Variants in CD244 observed in about 807,000 individuals in gnomAD.
The protein encoded by CD244 is natural killer cell receptor 2B4.
CD244 carries 20 observed loss-of-function variants against 45.5 expected under a neutral mutation model. That is an observed-to-expected ratio of 0.44 (90% CI 0.31 to 0.64). The LOEUF (loss-of-function observed/expected upper bound fraction) is 0.64. Ranked by LOEUF, CD244 falls within the 30% of genes least tolerant of loss-of-function variation. The pLI, the probability that CD244 is intolerant of heterozygous loss-of-function variation, is 0.08. For synonymous variants in CD244, 185 were observed against 160.5 expected (o/e 1.15, Z -1.15); for missense variants, 407 against 426.9 (o/e 0.95, Z 0.41).
chr1:160,831,358 C>T lies in CD244; in HGVS notation c.1087G>A (p.Val363Ile), dbSNP rs192540979. Residue 363 changes from valine (V) to isoleucine (I), a missense_variant, in exon 9 of 9, where the codon GTT (valine) becomes ATT (isoleucine). Physicochemically the swap from Val to Ile is conservative, Grantham distance 29. Transcript: ENST00000368034. ...AATTGCTGCAGCAACTAGGAATAAA[C>T]ATCAAAGTTCTCCAGCTCTTTGCGG... ...LSRKELENFDVYS is the reference protein window; with the variant it reads ...LSRKELENFDIYS 2 of 1,613,808 alleles carry T rather than the reference C, an allele frequency of 1.2e-6. No individual in the cohort carries two copies. Among genetic ancestry groups the T allele is most frequent in the East Asian group, 2.2e-5 (1 of 44,884 alleles).
At chr1:160,859,979 G>A (rs1342246264) in intron 1 of CD244, among the ~76,000 whole-genome samples, 1 of 152,036 alleles carries the variant, frequency 6.6e-6, no homozygotes, top group East Asian at 1.9e-4. Context: ...GGCGGAGGTG[G>A]GTGGATCACT....
intron 3 of CD244, 68 bp downstream of exon 3, chr1:160,841,142 T>G: frequency 6.7e-7 from 1 of 1,484,088 alleles, no homozygotes; most frequent in African/African-American, 1.4e-5. Context: ...CACATCTGTC[T>G]TGCACATGAG....
Position 160,832,507 on chromosome 1 carries a change from C to A in CD244, c.1017+12G>T. 1 of 1,565,152 alleles carries A rather than the reference C, an allele frequency of 6.4e-7. No homozygotes were observed. On this transcript the variant is annotated intron_variant, in intron 8 of 8. Transcript: ENST00000368034. ...CAGACAGTAAACCCATTGAGGAGTT[C>A]CAGAATCTTACCACTTCATAGATAG...
chr1:160,837,424 A>C (rs756133096), intron 5 of CD244, among the ~76,000 whole-genome samples: 1 of 152,290 alleles, frequency 6.6e-6, no homozygotes, highest in East Asian at 1.9e-4. Context: ...TTTATTATTC[A>C]CATTCCAATA....
intron 6 of CD244, among the ~76,000 whole-genome samples, chr1:160,835,575 G>T (rs1669304673): frequency 6.6e-6 from 1 of 152,104 alleles, no homozygotes; most frequent in Non-Finnish European, 1.5e-5. Context: ...TTCTACCATT[G>T]CACTCAGCCT....
In CD244 at chr1:160,838,750, C is replaced by A. The variant is rs1485591080; in HGVS notation, c.766+189G>T. 4 of 616,008 alleles carry A rather than the reference C, an allele frequency of 6.5e-6. No individual in the cohort carries two copies. In the Admixed American group the frequency reaches 1.2e-4, roughly 18 times the overall value. 38.2% of individuals were successfully genotyped at this position (616,008 alleles called of 1,614,324 possible). On this transcript the variant is annotated intron_variant, in intron 4 of 8. Coordinates refer to ENST00000368034, the MANE Select transcript of CD244 (RefSeq NM_016382.4). Reference sequence around the variant, plus strand: ...TACAGGGAAATCTGCGCATTGGGATCAGAAGGCATGAACTGGGAGAGAGAG... The same window carrying A: ...TACAGGGAAATCTGCGCATTGGGATAAGAAGGCATGAACTGGGAGAGAGAG...
intron 1 of CD244, among the ~76,000 whole-genome samples, chr1:160,846,261 T>C (rs1379115159): frequency 1.3e-5 from 2 of 152,180 alleles, no homozygotes; most frequent in Non-Finnish European, 2.9e-5. Flanking sequence ...TGCCTTTGCA[T>C]CCTCGTAGCT....
At chr1:160,843,443 A>G (rs922581443) in intron 1 of CD244, among the ~76,000 whole-genome samples, 1 of 152,228 alleles carries the variant, frequency 6.6e-6, no homozygotes, top group African/African-American at 2.4e-5. Context: ...AGGAGGACAT[A>G]TACTGTCTTC....
At chr1:160,841,096 C>T (rs1669525095) in intron 3 of CD244, 114 bp downstream of exon 3, 2 of 1,003,436 alleles carry the variant, frequency 2.0e-6, no homozygotes, top group African/African-American at 3.2e-5. Flanking sequence ...GGCTACAAGG[C>T]ACTGGGAGAG....
intron 7 of CD244, 26 bp downstream of exon 7, chr1:160,834,025 C>A (rs911433727): frequency 7.2e-6 from 11 of 1,522,216 alleles, no homozygotes; most frequent in African/African-American, 2.7e-5. Flanking sequence ...AACAACACCC[C>A]ACCACCACCA....
intron 1 of CD244, among the ~76,000 whole-genome samples, chr1:160,859,996 C>T (rs769852426): frequency 1.3e-5 from 2 of 152,006 alleles, no homozygotes; most frequent in African/African-American, 2.4e-5. Flanking sequence ...CACTTGAGGT[C>T]AGGAGTTTAA....
chr1:160,838,945 G>A lies in CD244; in HGVS notation c.760C>T (p.Gln254Ter). ...CTAAGGACCTTCCACTCACCTGACT[G>A]CTTCTCCTTCCTCTTTCTCCTCCAC... The part of the protein sequence containing the change: ...CVWRRKRKEK[Q>*]SETSPKEFLT... The change falls in exon 4 of 9, where the codon CAG becomes TAG. Residue 254 changes from glutamine to a stop codon, truncating the protein, a stop_gained. Coordinates refer to ENST00000368034, the MANE Select transcript of CD244 (RefSeq NM_016382.4). LOFTEE classifies it high-confidence loss of function. 1 of 1,611,594 alleles carries A rather than the reference G, an allele frequency of 6.2e-7. No homozygotes were observed. Among genetic ancestry groups the A allele is most frequent in the East Asian group, 2.2e-5 (1 of 44,866 alleles).
chr1:160,854,558 T>C (rs1467078503), intron 1 of CD244, among the ~76,000 whole-genome samples: 1 of 151,640 alleles, frequency 6.6e-6, no homozygotes, highest in Non-Finnish European at 1.5e-5. Flanking sequence ...ATTCTTTTTT[T>C]TTTTTTTGTA....
rs1433815083 is a variant in CD244, at chr1:160,841,458, C to T, written c.407G>A (p.Gly136Glu). ...CCCTCTGTCCAGGATCTTCCCCTGC[C>T]CCTGTAGGCGGGGTTTCTCAACTTT... ...FDKVEKPRLQ[G>E]QGKILDRGRC... Residue 136 changes from glycine (G) to glutamate (E), a missense_variant, in exon 3 of 9, where the codon GGG becomes GAG. By Grantham distance (98) the Gly-to-Glu change is moderately conservative. Coordinates refer to ENST00000368034, the MANE Select transcript of CD244 (RefSeq NM_016382.4). The T allele has an allele frequency of 6.2e-7, 1 of 1,613,928 alleles. No homozygotes were observed. The highest frequency in any genetic ancestry group is 8.5e-7 in the Non-Finnish European group (1 of 1,180,020).
intron 1 of CD244, among the ~76,000 whole-genome samples, chr1:160,856,636 G>A (rs1386643174): frequency 5.9e-5 from 9 of 152,040 alleles, no homozygotes; most frequent in African/African-American, 2.2e-4. Flanking sequence ...TTCCCTTATA[G>A]TTGTAATTAT....
At position 160,836,157 on chromosome 1, in the gene CD244, G is replaced by A. The variant is rs1244766644; in HGVS notation, c.894+38C>T. 2.7e-6 allele frequency: 4 copies of A among 1,504,970 alleles called. No individual in the cohort carries two copies. In the African/African-American group the frequency reaches 4.1e-5, roughly 16 times the overall value. 93.2% of individuals were successfully genotyped at this position (1,504,970 alleles called of 1,614,324 possible). On this transcript the variant is annotated intron_variant, in intron 6 of 8. Coordinates refer to ENST00000368034, the MANE Select transcript of CD244 (RefSeq NM_016382.4). The stretch of plus-strand genomic sequence containing the variant: ...CAGGGGGGCATTAGGAAACCCCAGA[G>A]ATAGGTATGGAATGGACTAGAGAAA...
chr1:160,857,390 G>A (rs1055875157), intron 1 of CD244, among the ~76,000 whole-genome samples: 1 of 152,076 alleles, frequency 6.6e-6, no homozygotes, highest in Non-Finnish European at 1.5e-5. Context: ...GCAACCCAAA[G>A]GTTCATCAAT....
intron 1 of CD244, among the ~76,000 whole-genome samples, chr1:160,858,102 A>T (rs1421127097): frequency 1.3e-5 from 2 of 151,716 alleles, no homozygotes; most frequent in African/African-American, 4.8e-5. Flanking sequence ...AAAACAAGAC[A>T]TGCCCTGTCT....
chr1:160,835,807 A>G (rs188722095), intron 6 of CD244, among the ~76,000 whole-genome samples: 110 of 152,378 alleles, frequency 7.2e-4, no homozygotes, highest in African/African-American at 2.5e-3. Context: ...AGATCAATGC[A>G]GATTCATTCT....
Sources: allele counts gnomAD v4.1 joint callset (sites outside exome capture counted in the v4.1 genomes callset), GRCh38; gene constraint gnomAD v4.1.1; transcripts MANE v1.5; gene names NCBI Gene and HGNC (gene_info 2026-07-23, HGNC 2026-07-21).